TTC23L: variants seen among roughly 807,000 people sequenced by gnomAD.
The protein encoded by TTC23L is tetratricopeptide repeat protein 23-like.
In TTC23L, 42 loss-of-function variants were observed where a neutral mutation model predicts 48.1. That is an observed-to-expected ratio of 0.87 (90% CI 0.68 to 1.13). The LOEUF (loss-of-function observed/expected upper bound fraction) is 1.13. Among genes scored for constraint, TTC23L ranks in the 50% most tolerant of loss-of-function variants. The probability of loss-of-function intolerance (pLI) is 0.00; values close to 1 mark genes in which losing one functional copy is unlikely to be tolerated. For missense variants in TTC23L, 391 were observed against 421.0 expected (o/e 0.93, Z 0.62); for synonymous variants, 159 against 157.2 (o/e 1.01, Z -0.09).
chr5:34,922,258 A>C, the TTC23L span: 1 of 1,593,458 alleles, frequency 6.3e-7, no homozygotes, highest in Non-Finnish European at 8.6e-7. Flanking sequence ...TCTATTTTGA[A>C]GCTAAGAAAA....
rs1010452680 is a variant in TTC23L, at chr5:34,869,138, G to C, written c.949+125G>C. On this transcript the variant is annotated intron_variant, in intron 8 of 10. Transcript: ENST00000505624. ...TAATGGAAAAATTAGGTGGGTCACA[G>C]TCTCATACAAAATCAATTACACATT... 7.0e-6 allele frequency: 5 copies of C among 716,482 alleles called. No homozygotes were observed. The African/African-American group carries it at 8.9e-5, about 13-fold the overall frequency. The allele number at this position is 716,482 out of a possible 1,614,324, so 44.4% of individuals were successfully genotyped here.
the TTC23L span, chr5:34,920,836 T>G: frequency 1.3e-5 from 2 of 152,170 alleles, no homozygotes; most frequent in East Asian, 1.9e-4. Context: ...GTTTTGTTTT[T>G]TTTTTTTAAG....
downstream of TTC23L, among the ~76,000 whole-genome samples, chr5:34,900,568 A>C (rs973658529): frequency 1.3e-5 from 2 of 152,220 alleles, no homozygotes; most frequent in Non-Finnish European, 2.9e-5. Context: ...CGTTAAGTTT[A>C]CATTGTCTGT....
At chr5:34,841,344 T>C (rs1758654825) in intron 2 of TTC23L, among the ~76,000 whole-genome samples, 1 of 152,208 alleles carries the variant, frequency 6.6e-6, no homozygotes, top group Non-Finnish European at 1.5e-5. Context: ...CTGTTCTAAG[T>C]ACCTTAAACG....
chr5:34,908,671 G>GA, the TTC23L span: 1 of 1,178,030 alleles, frequency 8.5e-7, no homozygotes, highest in Non-Finnish European at 1.2e-6. Flanking sequence ...CTTCTCTATA[G>GA]AAAATCCAAT....
At chr5:34,911,453 C>G in the TTC23L span, 1 of 1,421,524 alleles carries the variant, frequency 7.0e-7, no homozygotes, top group Non-Finnish European at 9.6e-7. Context: ...TGTGAAAACT[C>G]TAAAAATGTG....
intron 8 of TTC23L, among the ~76,000 whole-genome samples, chr5:34,879,493 C>T (rs1266332657): frequency 1.3e-5 from 2 of 152,102 alleles, no homozygotes; most frequent in Admixed American, 1.3e-4. Flanking sequence ...CCTCCCAGCA[C>T]CCCCCAAACA....
the TTC23L span, chr5:34,905,918 T>C: frequency 1.3e-5 from 2 of 152,232 alleles, no homozygotes; most frequent in African/African-American, 4.8e-5. Flanking sequence ...GAATTCTAAA[T>C]AGCTGAAGAC....
chr5:34,854,482 G>C (rs948363061), intron 4 of TTC23L, among the ~76,000 whole-genome samples: 2 of 152,134 alleles, frequency 1.3e-5, no homozygotes, highest in African/African-American at 4.8e-5. Flanking sequence ...AATAAGTAAG[G>C]CTTTGAAAAA....
In TTC23L at chr5:34,846,221, T is replaced by C. The variant is rs562339768; in HGVS notation, c.255+548T>C. On this transcript the variant is annotated intron_variant, in intron 3 of 10. Coordinates refer to ENST00000505624, the Ensembl canonical transcript of TTC23L. The stretch of plus-strand genomic sequence containing the variant: ...AGTAAAAATTTGAAAAACCTAAAAA[T>C]TATCATTTGATTGTTTTTGTTGCTG... 1.4e-4 allele frequency among the ~76,000 whole-genome samples: 21 copies of C among 151,638 alleles called. 1 individual carries two copies. The South Asian group carries it at 4.4e-3, about 32-fold the overall frequency.
chr5:34,916,291 C>G, the TTC23L span: 1 of 156,572 alleles, frequency 6.4e-6, no homozygotes, highest in African/African-American at 2.4e-5. Context: ...GTCAGCCACT[C>G]TCAGTCAGGG....
Position 34,868,910 on chromosome 5 carries a change from TTCTG to T in TTC23L, c.852_855del (p.Cys285PhefsTer14), listed in dbSNP as rs531751278. The T allele has an allele frequency of 3.1e-5, 50 of 1,605,758 alleles. No homozygotes were observed. The Middle Eastern group carries it at 8.3e-4, about 27-fold the overall frequency. On this transcript the variant is annotated frameshift_variant, in exon 8 of 11. Coordinates refer to ENST00000505624, the Ensembl canonical transcript of TTC23L. LOFTEE classifies it high-confidence loss of function. The stretch of plus-strand genomic sequence containing the variant: ...CATGATTTTCTTTATTCCAGGCTCA[TTCTG>T]TCTGTGTTTCTTTGTTCACTGAAGT...
intron 9 of TTC23L, among the ~76,000 whole-genome samples, chr5:34,887,304 G>A (rs1762600601): frequency 6.6e-6 from 1 of 152,088 alleles, no homozygotes; most frequent in Admixed American, 6.6e-5. Flanking sequence ...TGGGTAATGG[G>A]GGCAGAAGCC....
At chr5:34,907,983 CAG>C in the TTC23L span, 1 of 152,200 alleles carries the variant, frequency 6.6e-6, no homozygotes, top group Non-Finnish European at 1.5e-5. Flanking sequence ...GCCTCCTCCC[CAG>C]AGTTTGCTAC....
At chr5:34,867,040 C>A in exon 7 of TTC23L, 1 of 1,611,772 alleles carries the variant, frequency 6.2e-7, no homozygotes. Flanking sequence ...GAGGAGGAAC[C>A]ACAACCAGGC....
chr5:34,858,179 G>C (rs969733738), intron 4 of TTC23L, among the ~76,000 whole-genome samples: 11 of 152,316 alleles, frequency 7.2e-5, no homozygotes, highest in Middle Eastern at 3.4e-3. Flanking sequence ...CTTGAAAACT[G>C]CTGCACTGTC....
intron 9 of TTC23L, among the ~76,000 whole-genome samples, chr5:34,895,352 T>C (rs958742621): frequency 2.5e-4 from 38 of 152,232 alleles, no homozygotes; most frequent in African/African-American, 8.9e-4. Flanking sequence ...ATTATTTACA[T>C]AAAGCACTTA....
downstream of TTC23L, among the ~76,000 whole-genome samples, chr5:34,902,978 T>A (rs948559809): frequency 7.3e-4 from 108 of 148,682 alleles, no homozygotes; most frequent in African/African-American, 2.6e-3. Context: ...AAAAAAAAAA[T>A]ACCAGAAAGA....
intron 9 of TTC23L, among the ~76,000 whole-genome samples, chr5:34,884,378 A>C (rs1268059442): frequency 6.6e-6 from 1 of 152,198 alleles, no homozygotes. Flanking sequence ...CACTTTTGCC[A>C]CCTCTATTCA....
Sources: allele counts gnomAD v4.1 joint callset (sites outside exome capture counted in the v4.1 genomes callset), GRCh38; gene constraint gnomAD v4.1.1; transcripts MANE v1.5; gene names NCBI Gene and HGNC (gene_info 2026-07-23, HGNC 2026-07-21).